The following ALMS1 variants were observed in gnomAD, a reference collection of about 807,000 sequenced individuals.
ALMS1 encodes the protein ALMS1 centrosome and basal body associated protein.
Under a neutral mutation model 352.2 loss-of-function variants are expected in ALMS1, and 271 were observed. The observed-to-expected ratio is 0.77, with a 90% CI of 0.70 to 0.85. The LOEUF (loss-of-function observed/expected upper bound fraction) is 0.85. Ranked by LOEUF, ALMS1 falls within the 40% of genes least tolerant of loss-of-function variation. The probability of loss-of-function intolerance (pLI) is 0.00; values close to 1 mark genes in which losing one functional copy is unlikely to be tolerated. For missense variants in ALMS1, 5,445 were observed against 4,870.7 expected (o/e 1.12, Z -3.51); for synonymous variants, 1,865 against 1,761.2 (o/e 1.06, Z -1.48).
rs373378385 is a variant in ALMS1 at position 73,449,266 on chromosome 2, G to C, written c.2739G>C (p.Lys913Asn). 2.0e-5 allele frequency: 33 copies of C among 1,613,942 alleles called. No homozygotes were observed. The highest frequency in any genetic ancestry group is 2.7e-5 in the African/African-American group (2 of 74,920). Residue 913 changes from lysine (K) to asparagine (N), a missense_variant, in exon 8 of 23, where the codon AAG becomes AAC. By Grantham distance (94) the Lys-to-Asn change is moderately conservative. Transcript: ENST00000613296. ...APSSFYSHRE[K>N]PIIFSQQTLP... ...CTAGTTTCTACTCACACAGAGAGAAGCCCATTATTTTTTCCCAGCAGACCC... is the reference window on the plus strand; with the variant it reads ...CTAGTTTCTACTCACACAGAGAGAACCCCATTATTTTTTCCCAGCAGACCC...
intron 1 of ALMS1, among the ~76,000 whole-genome samples, chr2:73,397,802 G>T (rs1030955894): frequency 6.6e-6 from 1 of 152,248 alleles, no homozygotes; most frequent in Non-Finnish European, 1.5e-5. Flanking sequence ...TAGGTTCACA[G>T]CCACATTGAA....
intron 21 of ALMS1, among the ~76,000 whole-genome samples, chr2:73,607,199 T>G (rs1190408203): frequency 6.6e-6 from 1 of 152,244 alleles, no homozygotes; most frequent in Non-Finnish European, 1.5e-5. Context: ...TATACAGGTT[T>G]GTGTCTTGCT....
intron 11 of ALMS1, among the ~76,000 whole-genome samples, chr2:73,532,844 AC>A (rs1218838150): frequency 2.0e-5 from 3 of 152,180 alleles, no homozygotes; most frequent in Non-Finnish European, 2.9e-5. Context: ...GCTGGGTCAC[AC>A]CTGAAGCCAG....
At chr2:73,584,841 C>G (rs1675272787) in intron 16 of ALMS1, among the ~76,000 whole-genome samples, 1 of 151,876 alleles carries the variant, frequency 6.6e-6, no homozygotes, top group Non-Finnish European at 1.5e-5. Context: ...CCTTTGTATC[C>G]TCATAACTTA....
At position 73,501,424 on chromosome 2, in the gene ALMS1, G is replaced by C. The variant is rs79619308; in HGVS notation, c.9539+9926G>C. On this transcript the variant is annotated intron_variant, in intron 10 of 22. Transcript: ENST00000613296. ...TAAAAGTTTTCTCCTGTATTTTCAT[G>C]TAGAAATGTTATGGTCTTAACTTTG... Among the ~76,000 whole-genome samples, 13 of 152,080 alleles carry C rather than the reference G, an allele frequency of 8.5e-5. No homozygotes were observed. The East Asian group carries it at 2.5e-3, about 29-fold the overall frequency.
At chr2:73,459,993 G>C (rs192208273) in intron 9 of ALMS1, among the ~76,000 whole-genome samples, 2 of 152,262 alleles carry the variant, frequency 1.3e-5, no homozygotes, top group African/African-American at 4.8e-5. Context: ...AATGAGAGCT[G>C]AGTTTATACT....
Position 73,572,760 on chromosome 2 carries a change from G to T in ALMS1, c.10883G>T (p.Arg3628Leu), listed in dbSNP as rs763549947. ...GDRKELSLVD[R>L]LDRLAKILQN... ...AGGAAAGAACTGTCCTTGGTGGACC[G>T]ACTTGATCGTTTGGCTAAAATTCTT... The change falls in exon 16 of 23, where the codon CGA (arginine) becomes CTA (leucine). Residue 3628 changes from arginine to leucine, a missense_variant. Arg to Leu is a moderately radical substitution (Grantham distance 102). Coordinates refer to ENST00000613296, the MANE Select transcript of ALMS1 (RefSeq NM_001378454.1). The T allele has an allele frequency of 6.2e-7, 1 of 1,614,036 alleles. No homozygotes were observed. Among genetic ancestry groups the T allele is most frequent in the Admixed American group, 1.7e-5 (1 of 59,994 alleles).
intron 9 of ALMS1, among the ~76,000 whole-genome samples, chr2:73,468,279 C>T (rs1672398416): frequency 6.6e-6 from 1 of 151,780 alleles, no homozygotes; most frequent in Non-Finnish European, 1.5e-5. Flanking sequence ...GTCCTAAGTA[C>T]ATAGAGAAAT....
At chr2:73,566,916 A>G (rs1674812792) in intron 15 of ALMS1, among the ~76,000 whole-genome samples, 1 of 152,188 alleles carries the variant, frequency 6.6e-6, no homozygotes. Flanking sequence ...GGATATTTCA[A>G]AGGATACGCA....
intron 12 of ALMS1, among the ~76,000 whole-genome samples, chr2:73,543,348 C>G (rs1674236046): frequency 6.6e-6 from 1 of 152,116 alleles, no homozygotes; most frequent in Non-Finnish European, 1.5e-5. Context: ...TTCCTTATAC[C>G]TTATACAAAA....
chr2:73,516,768 C>G (rs1048261753), intron 10 of ALMS1, among the ~76,000 whole-genome samples: 1 of 152,206 alleles, frequency 6.6e-6, no homozygotes, highest in African/African-American at 2.4e-5. Context: ...AATAATTTTA[C>G]TGTTTTTCTG....
intron 9 of ALMS1, among the ~76,000 whole-genome samples, chr2:73,478,483 A>C (rs1672626748): frequency 6.6e-6 from 1 of 152,130 alleles, no homozygotes; most frequent in South Asian, 2.1e-4. Flanking sequence ...AAGAGGCTGG[A>C]ATAGGTTTAT....
At position 73,455,387 on chromosome 2, in the gene ALMS1, A is replaced by G. The variant is rs754287589; in HGVS notation, c.7674+92A>G. 19 of 1,538,138 alleles carry G rather than the reference A, an allele frequency of 1.2e-5. No homozygotes were observed. In the East Asian group the frequency reaches 4.4e-4, roughly 36 times the overall value. On this transcript the variant is annotated intron_variant, in intron 9 of 22. Transcript: ENST00000613296. ...TACTTGGGCATCAGTTGAGTTGCTG[A>G]TAATATTTGGCTAAAGCCTTTTTTG...
intron 19 of ALMS1, 104 bp from the exon 20 acceptor site, chr2:73,602,081 A>T: frequency 8.4e-7 from 1 of 1,193,432 alleles, no homozygotes; most frequent in Non-Finnish European, 1.2e-6. Context: ...TTTGAATCAG[A>T]CTTCCCCAAA....
intron 6 of ALMS1, among the ~76,000 whole-genome samples, chr2:73,427,164 A>G (rs1382101236): frequency 3.9e-5 from 6 of 152,192 alleles, no homozygotes; most frequent in Non-Finnish European, 8.8e-5. Flanking sequence ...AAAAGCTTGT[A>G]CTTTGAATGT....
chr2:73,553,481 G>T (rs1452903662), intron 13 of ALMS1, among the ~76,000 whole-genome samples: 1 of 152,088 alleles, frequency 6.6e-6, no homozygotes, highest in African/African-American at 2.4e-5. Flanking sequence ...CTTAGAGGAG[G>T]TTTTCAGTTC....
chr2:73,577,816 C>G (rs1675084682), intron 16 of ALMS1, among the ~76,000 whole-genome samples: 3 of 152,120 alleles, frequency 2.0e-5, no homozygotes. Context: ...TATGATCTGT[C>G]CTTGAGAATT....
At chr2:73,534,353 T>C (rs757615274) in intron 11 of ALMS1, among the ~76,000 whole-genome samples, 1 of 152,172 alleles carries the variant, frequency 6.6e-6, no homozygotes. Context: ...TTATTTTCTA[T>C]GACTCTGGAA....
chr2:73,558,928 T>C (rs760122015), intron 14 of ALMS1, 44 bp from the exon 15 acceptor site: 3 of 1,603,908 alleles, frequency 1.9e-6, no homozygotes, highest in Non-Finnish European at 2.6e-6. Flanking sequence ...AAATCTTTTA[T>C]GTCAAGTTCC....
Sources: allele counts gnomAD v4.1 joint callset (sites outside exome capture counted in the v4.1 genomes callset), GRCh38; gene constraint gnomAD v4.1.1; transcripts MANE v1.5; gene names NCBI Gene and HGNC (gene_info 2026-07-23, HGNC 2026-07-21).